The following UTS2 variants were observed in gnomAD, a reference collection of about 807,000 sequenced individuals.
UTS2 encodes urotensin-2.
A neutral mutation model predicts 12.6 loss-of-function variants in UTS2; 10 were observed. That is an observed-to-expected ratio of 0.80 (90% CI 0.49 to 1.35). UTS2 has a LOEUF of 1.35. UTS2 is among the 40% of genes most tolerant of loss of function. The pLI is 0.00. For missense variants in UTS2, 142 were observed against 143.2 expected (o/e 0.99, Z 0.04); for synonymous variants, 52 against 50.0 (o/e 1.04, Z -0.17).
the UTS2 span, among the ~76,000 whole-genome samples, chr1:7,883,362 A>T: frequency 6.6e-6 from 1 of 152,186 alleles, no homozygotes; most frequent in Non-Finnish European, 1.5e-5. Context: ...GTAGAATGAT[A>T]GTTACTAGAG....
the UTS2 span, among the ~76,000 whole-genome samples, chr1:7,891,596 G>GAAAGAAAGA: frequency 1.3e-5 from 2 of 148,264 alleles, no homozygotes; most frequent in Non-Finnish European, 3.0e-5. Flanking sequence ...AAGAAAGAAA[G>GAAAGAAAGA]AAAATTGCCA....
intron 2 of UTS2, among the ~76,000 whole-genome samples, chr1:7,849,971 T>A (rs981123833): frequency 1.5e-4 from 5 of 32,586 alleles, no homozygotes; most frequent in African/African-American, 1.5e-4. Context: ...AAGGCTCAAA[T>A]TTTTTTTTTT....
the UTS2 span, among the ~76,000 whole-genome samples, chr1:7,899,294 A>G: frequency 2.6e-5 from 4 of 152,198 alleles, no homozygotes; most frequent in African/African-American, 9.6e-5. Flanking sequence ...TTCGGTAAGG[A>G]CACAGAAAGA....
chr1:7,880,418 T>G, the UTS2 span, among the ~76,000 whole-genome samples: 120 of 5,942 alleles, frequency 0.02, no homozygotes, highest in South Asian at 0.14. Context: ...GGGAGTGGGG[T>G]GGGGAGGGGG....
chr1:7,899,214 C>G, the UTS2 span, among the ~76,000 whole-genome samples: 1 of 152,060 alleles, frequency 6.6e-6, no homozygotes, highest in Non-Finnish European at 1.5e-5. Context: ...TTGGGGATTA[C>G]AATTAGACAA....
At chr1:7,889,260 CAAAAAAA>C in the UTS2 span, among the ~76,000 whole-genome samples, 12 of 72,586 alleles carry the variant, frequency 1.7e-4, no homozygotes, top group African/African-American at 4.8e-4. Context: ...CTCATTTCTA[CAAAAAAA>C]AAAAAAAAAA....
the UTS2 span, among the ~76,000 whole-genome samples, chr1:7,900,579 C>A: frequency 6.6e-6 from 1 of 151,792 alleles, no homozygotes; most frequent in Non-Finnish European, 1.5e-5. Context: ...GAGTTCGAGA[C>A]TGGCCTGGCC....
chr1:7,847,899 GAAC>G lies in UTS2; in HGVS notation c.259-20_259-18del, dbSNP rs199702410. On this transcript the variant is annotated intron_variant, in intron 3 of 3. Transcript: ENST00000361696. ...ATCCTGAAACTAAAACAATCCAAAC[GAAC>G]AACAACAACAAAAAAAAACAGATAA... 5.4e-5 allele frequency: 83 copies of G among 1,524,712 alleles called. No homozygotes were observed. Among genetic ancestry groups the G allele is most frequent in the East Asian group, 1.6e-4 (7 of 43,088 alleles). 94.4% of individuals were successfully genotyped at this position (1,524,712 alleles called of 1,614,324 possible).
the UTS2 span, among the ~76,000 whole-genome samples, chr1:7,895,059 C>T: frequency 0.011 from 1,643 of 151,140 alleles, 11 homozygotes; most frequent in South Asian, 0.019. Flanking sequence ...CAGCATATGA[C>T]TCAATTTGTC....
the UTS2 span, among the ~76,000 whole-genome samples, chr1:7,886,336 T>C: frequency 6.6e-6 from 1 of 152,228 alleles, no homozygotes; most frequent in East Asian, 1.9e-4. Context: ...TATTTGTCAT[T>C]TCTAAATAGC....
chr1:7,862,901 C>A, the UTS2 span, among the ~76,000 whole-genome samples: 1 of 152,122 alleles, frequency 6.6e-6, no homozygotes, highest in Non-Finnish European at 1.5e-5. Context: ...GTAGCTACCA[C>A]GTTCACCTCC....
At chr1:7,867,968 T>C in the UTS2 span, among the ~76,000 whole-genome samples, 1,168 of 152,314 alleles carry the variant, frequency 7.7e-3, 13 homozygotes, top group African/African-American at 0.026. Flanking sequence ...GTAGCCCAAG[T>C]GCACTCATAC....
intron 3 of UTS2, 23 bp downstream of exon 3, chr1:7,849,617 A>AACTC (rs1163885240): frequency 6.3e-7 from 1 of 1,596,078 alleles, no homozygotes; most frequent in Admixed American, 1.8e-5. Context: ...TTTTAAACCT[A>AACTC]ACTCATAAAT....
intron 3 of UTS2, among the ~76,000 whole-genome samples, chr1:7,848,806 C>T (rs887807041): frequency 1.8e-4 from 27 of 152,134 alleles, no homozygotes; most frequent in Admixed American, 1.6e-3. Context: ...TGTGAGCCAC[C>T]GCACCCGGCC....
chr1:7,851,423 G>C (rs967766051), intron 1 of UTS2, among the ~76,000 whole-genome samples: 1 of 152,116 alleles, frequency 6.6e-6, no homozygotes, highest in African/African-American at 2.4e-5. Context: ...CTTAGAATTG[G>C]CTTCAAAATC....
Position 7,853,056 on chromosome 1 carries a change from C to G in UTS2, c.-53G>C. On this transcript the variant is annotated 5_prime_UTR_variant, in exon 1 of 4. Coordinates refer to ENST00000361696, the MANE Select transcript of UTS2 (RefSeq NM_006786.4). ...CTTGGCTTCTGTTGTAGAGAACTTT[C>G]AACTGTCTCCTCATTCTGCCTGCTC... The G allele has an allele frequency of 6.3e-7, 1 of 1,580,040 alleles. No homozygotes were observed. Among genetic ancestry groups the G allele is most frequent in the African/African-American group, 1.4e-5 (1 of 72,930 alleles).
At chr1:7,884,485 T>A in the UTS2 span, among the ~76,000 whole-genome samples, 8 of 152,080 alleles carry the variant, frequency 5.3e-5, no homozygotes, top group Admixed American at 2.0e-4. Flanking sequence ...CATTTTTTTT[T>A]AACTGCAGAG....
At chr1:7,878,975 T>C in the UTS2 span, among the ~76,000 whole-genome samples, 1 of 152,172 alleles carries the variant, frequency 6.6e-6, no homozygotes, top group Non-Finnish European at 1.5e-5. Flanking sequence ...ATTCTAAATA[T>C]ATATGCACCG....
the UTS2 span, among the ~76,000 whole-genome samples, chr1:7,869,424 G>T: frequency 2.0e-5 from 3 of 152,212 alleles, no homozygotes; most frequent in Admixed American, 2.0e-4. Context: ...CCAAAATAGG[G>T]GTGAGCACGT....
Sources: gnomAD v4.1 joint callset for allele counts (sites outside exome capture counted in the v4.1 genomes callset) on GRCh38, gnomAD v4.1.1 for gene constraint, MANE v1.5 for transcripts, NCBI Gene and HGNC (gene_info 2026-07-23, HGNC 2026-07-21) for gene names.